UCK1: variants seen among roughly 807,000 people sequenced by gnomAD.
UCK1 encodes the protein cytidine monophosphokinase 1.
Under a neutral mutation model 34.0 loss-of-function variants are expected in UCK1, and 20 were observed. The observed-to-expected ratio is 0.59, with a 90% CI of 0.41 to 0.86. The LOEUF (loss-of-function observed/expected upper bound fraction) is 0.86. UCK1 is among the 40% of genes least tolerant of loss of function. The pLI is 0.00. For missense variants in UCK1, 343 were observed against 383.6 expected (o/e 0.89, Z 0.88); for synonymous variants, 168 against 155.9 (o/e 1.08, Z -0.58).
chr9:131,526,374 C>T (rs1298690212), intron 5 of UCK1: 3 of 1,246,894 alleles, frequency 2.4e-6, no homozygotes, highest in East Asian at 5.2e-5. Flanking sequence ...TCTGCAAATA[C>T]CCTGGCACAG....
chr9:131,529,323 C>T, intron 3 of UCK1, 53 bp from the exon 4 acceptor site: 1 of 1,609,878 alleles, frequency 6.2e-7, no homozygotes, highest in Middle Eastern at 1.7e-4. Flanking sequence ...GTCTCCAGGC[C>T]ACACACACAG....
At position 131,529,754 on chromosome 9, in the gene UCK1, G is replaced by T. The variant is rs569407395; in HGVS notation, c.269-170C>A. ...ATGTTTGGTAGCAACAGTGCCCTCT[G>T]CAGCCCTGCAGACCACAGGATGACC... On this transcript the variant is annotated intron_variant, in intron 2 of 6. Coordinates refer to ENST00000372215, the MANE Select transcript of UCK1 (RefSeq NM_031432.5). Among the ~76,000 whole-genome samples the T allele has an allele frequency of 7.4e-4, 113 of 152,074 alleles. 1 individual carries two copies. The highest frequency in any genetic ancestry group is 2.7e-3 in the African/African-American group (111 of 41,480).
At chr9:131,529,705 G>A in intron 2 of UCK1, 121 bp from the exon 3 acceptor site, 3 of 804,202 alleles carry the variant, frequency 3.7e-6, no homozygotes, top group Non-Finnish European at 6.2e-6. Flanking sequence ...CCCTAGCACA[G>A]GTAGACTAGG....
At chr9:131,530,934 G>T in intron 1 of UCK1, 133 bp downstream of exon 1, 1 of 960,754 alleles carries the variant, frequency 1.0e-6, no homozygotes, top group South Asian at 2.2e-5. Flanking sequence ...ATCGCGGCCT[G>T]CAGCCCCTTC....
Position 131,529,487 on chromosome 9 carries a change from C to T in UCK1, c.365+1G>A, listed in dbSNP as rs980285036. 2 of 1,614,144 alleles carry T rather than the reference C, an allele frequency of 1.2e-6. No individual in the cohort carries two copies. On this transcript the variant is annotated splice_donor_variant, in intron 3 of 6. Coordinates refer to ENST00000372215, the MANE Select transcript of UCK1 (RefSeq NM_031432.5). LOFTEE classifies it high-confidence loss of function. Reference sequence around the variant, plus strand: ...GGCCCTCCCTAGAACCACCTGCTTACCTTGAGTGTGTCACAAAATCATAGG... The same window carrying T: ...GGCCCTCCCTAGAACCACCTGCTTATCTTGAGTGTGTCACAAAATCATAGG...
At chr9:131,529,867 C>T (rs1055812498) in intron 2 of UCK1, among the ~76,000 whole-genome samples, 1 of 152,220 alleles carries the variant, frequency 6.6e-6, no homozygotes, top group African/African-American at 2.4e-5. Context: ...TCAGCTCTTC[C>T]TGGGAGGTGG....
intron 6 of UCK1, among the ~76,000 whole-genome samples, chr9:131,525,501 C>A (rs1950563957): frequency 6.6e-6 from 1 of 152,188 alleles, no homozygotes; most frequent in Admixed American, 6.5e-5. Context: ...TTTTAAGAAA[C>A]AGGTTCTTAC....
chr9:131,525,878 C>T (rs376783955), intron 6 of UCK1, 51 bp downstream of exon 6: 2 of 1,598,644 alleles, frequency 1.3e-6, no homozygotes, highest in Non-Finnish European at 1.7e-6. Flanking sequence ...ACTGTCCCTG[C>T]CTCAAGCTCT....
At position 131,530,557 on chromosome 9, in the gene UCK1, C is replaced by A; in HGVS notation, c.197G>T (p.Arg66Met). ...QRKVVILSQDRFYKVLTAEQK... is the reference protein window; with the variant it reads ...QRKVVILSQDMFYKVLTAEQK... ...CTCTGCCGTCAGGACCTTGTAGAAC[C>A]TGTCCTGGCTCAGGATGACCACCTT... Residue 66 changes from arginine to methionine, a missense_variant, in exon 2 of 7, where the codon AGG becomes ATG. Physicochemically the swap from Arg to Met is moderately conservative, Grantham distance 91. Transcript: ENST00000372215. The A allele has an allele frequency of 6.2e-6, 10 of 1,614,266 alleles. No homozygotes were observed. Among genetic ancestry groups the A allele is most frequent in the Non-Finnish European group, 8.5e-6 (10 of 1,180,050 alleles).
chr9:131,527,853 G>A (rs1294293127), intron 5 of UCK1, among the ~76,000 whole-genome samples: 2 of 151,916 alleles, frequency 1.3e-5, no homozygotes, highest in Non-Finnish European at 2.9e-5. Flanking sequence ...CTCCAGCCTG[G>A]GCAACAGAGC....
rs114170828 is a variant in UCK1, at chr9:131,524,256, C to T, written c.*784G>A. On this transcript the variant is annotated 3_prime_UTR_variant, in exon 7 of 7. Transcript: ENST00000372215. ...CCCCTGAGGGTCAGTGAGGGCCTGACCCCAGGCAGGACTGCGTGGACGCTG... is the reference window on the plus strand; with the variant it reads ...CCCCTGAGGGTCAGTGAGGGCCTGATCCCAGGCAGGACTGCGTGGACGCTG... 2 of 152,334 alleles carry T rather than the reference C, an allele frequency of 1.3e-5. No individual in the cohort carries two copies. Among genetic ancestry groups the T allele is most frequent in the Non-Finnish European group, 2.9e-5 (2 of 68,114 alleles). 9.4% of individuals were successfully genotyped at this position (152,334 alleles called of 1,614,324 possible).
chr9:131,530,742 G>A, intron 1 of UCK1, 97 bp from the exon 2 acceptor site: 4 of 1,609,264 alleles, frequency 2.5e-6, no homozygotes, highest in Non-Finnish European at 3.4e-6. Context: ...GCCCCCTGGG[G>A]GGTATGCTCG....
rs1950498856 is a variant in UCK1 at position 131,524,422 on chromosome 9, A to G, written c.*618T>C. ...GCTTCTCTGCCTTTAAGGCACAAGCAAGGGGGGAAAACATCCCTCAGTGGC... is the reference window on the plus strand; with the variant it reads ...GCTTCTCTGCCTTTAAGGCACAAGCGAGGGGGGAAAACATCCCTCAGTGGC... On this transcript the variant is annotated 3_prime_UTR_variant, in exon 7 of 7. Transcript: ENST00000372215. The G allele has an allele frequency of 6.6e-6, 1 of 152,296 alleles. No individual in the cohort carries two copies. The highest frequency in any genetic ancestry group is 1.5e-5 in the Non-Finnish European group (1 of 68,086). 9.4% of individuals were successfully genotyped at this position (152,296 alleles called of 1,614,324 possible).
In UCK1 at chr9:131,528,950, G is replaced by A. The variant is rs11557925; in HGVS notation, c.597C>T (p.Cys199=). ...TFVKPAFEEF[C]LPTKKYADVI... ...AAGCAGCGAGCACAGGTACCGGCAGGCAGAACTCCTCGAAGGCCGGCTTCA... is the reference window on the plus strand; with the variant it reads ...AAGCAGCGAGCACAGGTACCGGCAGACAGAACTCCTCGAAGGCCGGCTTCA... The change falls in exon 5 of 7, where the codon TGC becomes TGT. Residue 199 remains cysteine (C), a synonymous_variant. Coordinates refer to ENST00000372215, the MANE Select transcript of UCK1 (RefSeq NM_031432.5). 3.5e-3 allele frequency: 5,592 copies of A among 1,614,022 alleles called. 165 individuals carry two copies. The African/African-American group carries it at 0.064, about 18-fold the overall frequency.
In UCK1 at chr9:131,524,178, C is replaced by G. The variant is rs1235971961; in HGVS notation, c.*862G>C. ...AAGCACCATTCCCTGCATATGGCCA[C>G]TAGCCACCCTGGGGTGGGACAGCCT... On this transcript the variant is annotated 3_prime_UTR_variant, in exon 7 of 7. Coordinates refer to ENST00000372215, the MANE Select transcript of UCK1 (RefSeq NM_031432.5). The G allele has an allele frequency of 6.6e-6, 1 of 152,330 alleles. No individual in the cohort carries two copies. The highest frequency in any genetic ancestry group is 2.4e-5 in the African/African-American group (1 of 41,474). The allele number at this position is 152,330 out of a possible 1,614,324, so 9.4% of individuals were successfully genotyped here.
rs115964951 is a variant in UCK1 at position 131,525,993 on chromosome 9, G to C, written c.604-16C>G. The C allele has an allele frequency of 2.3e-5, 37 of 1,613,944 alleles. No individual in the cohort carries two copies. Among genetic ancestry groups the C allele is most frequent in the Middle Eastern group, 3.3e-4 (2 of 6,062 alleles). On this transcript the variant is annotated splice_polypyrimidine_tract_variant and intron_variant, in intron 5 of 6. Coordinates refer to ENST00000372215, the MANE Select transcript of UCK1 (RefSeq NM_031432.5). ...ACTTCTTTGTCTGTAAGGCACAAGGGGGGGTGTTCCTGTGAGGACTTTTCC... is the reference window on the plus strand; with the variant it reads ...ACTTCTTTGTCTGTAAGGCACAAGGCGGGGTGTTCCTGTGAGGACTTTTCC...
At chr9:131,529,376 G>A in intron 3 of UCK1, 106 bp from the exon 4 acceptor site, 8 of 1,600,636 alleles carry the variant, frequency 5.0e-6, no homozygotes, top group Non-Finnish European at 6.0e-6. Flanking sequence ...AAGGGGTGGG[G>A]GACCCACAGA....
At chr9:131,527,058 C>T (rs768892340) in intron 5 of UCK1, among the ~76,000 whole-genome samples, 16 of 151,534 alleles carry the variant, frequency 1.1e-4, no homozygotes, top group East Asian at 1.9e-4. Context: ...TGGCTCACGC[C>T]GGTGATCCCA....
rs1950503253 is a variant in UCK1 at position 131,524,496 on chromosome 9, A to AAATT, written c.*540_*543dup. 6.6e-6 allele frequency: 1 copy of AAATT among 152,662 alleles called. No individual in the cohort carries two copies. Among genetic ancestry groups the AAATT allele is most frequent in the Admixed American group, 6.5e-5 (1 of 15,312 alleles). 9.5% of individuals were successfully genotyped at this position (152,662 alleles called of 1,614,324 possible). A position where few individuals can be genotyped will look rare whatever the true frequency, so the allele number is the denominator to read the frequency against. On this transcript the variant is annotated 3_prime_UTR_variant, in exon 7 of 7. Transcript: ENST00000372215. Reference sequence around the variant, plus strand: ...CTGGACTGCAAACCACTGGGTCATGAAATTAGGTTTGTAGGCCACAACCAG... The same window carrying AAATT: ...CTGGACTGCAAACCACTGGGTCATGAAATTAATTAGGTTTGTAGGCCACAACCAG...
Sources: gnomAD v4.1 joint callset for allele counts (sites outside exome capture counted in the v4.1 genomes callset) on GRCh38, gnomAD v4.1.1 for gene constraint, MANE v1.5 for transcripts, NCBI Gene and HGNC (gene_info 2026-07-23, HGNC 2026-07-21) for gene names.